Variants in AGMO observed in about 807,000 individuals in gnomAD.
AGMO encodes the protein glyceryl-ether monooxygenase.
In AGMO, 75 loss-of-function variants were observed where a neutral mutation model predicts 60.2. That is an observed-to-expected ratio of 1.25 (90% CI 1.03 to 1.51). The LOEUF is 1.51. AGMO is among the 40% of genes most tolerant of loss of function. The pLI, the probability that AGMO is intolerant of heterozygous loss-of-function variation, is 0.00. For missense variants in AGMO, 763 were observed against 525.5 expected (o/e 1.45, Z -4.42); for synonymous variants, 261 against 177.1 (o/e 1.47, Z -3.76).
intron 10 of AGMO, among the ~76,000 whole-genome samples, chr7:15,374,439 A>T (rs1226605578): frequency 6.6e-6 from 1 of 152,112 alleles, no homozygotes; most frequent in Non-Finnish European, 1.5e-5. Flanking sequence ...TTCTACAAAA[A>T]ATTGTAAGAA....
chr7:15,495,599 T>C, intron 3 of AGMO, among the ~76,000 whole-genome samples: 1 of 152,200 alleles, frequency 6.6e-6, no homozygotes, highest in Non-Finnish European at 1.5e-5. Context: ...TTTCAGCACA[T>C]TTACTGTCTT....
chr7:15,420,241 CT>C (rs1780890432), intron 4 of AGMO, among the ~76,000 whole-genome samples: 1 of 152,020 alleles, frequency 6.6e-6, no homozygotes, highest in South Asian at 2.1e-4. Context: ...AATTAAACAA[CT>C]GAAGTTTCTT....
chr7:15,346,701 T>C (rs994869660), intron 12 of AGMO, among the ~76,000 whole-genome samples: 1 of 151,830 alleles, frequency 6.6e-6, no homozygotes, highest in Non-Finnish European at 1.5e-5. Context: ...TTAAGTGTTA[T>C]TCAAGAGCTA....
intron 12 of AGMO, among the ~76,000 whole-genome samples, chr7:15,235,734 A>T (rs1329168543): frequency 6.6e-6 from 1 of 152,150 alleles, no homozygotes; most frequent in African/African-American, 2.4e-5. Context: ...ATGCCCAGAA[A>T]CCACACTGGT....
intron 3 of AGMO, among the ~76,000 whole-genome samples, chr7:15,494,240 A>G (rs1281912368): frequency 6.6e-6 from 1 of 152,182 alleles, no homozygotes; most frequent in Non-Finnish European, 1.5e-5. Context: ...ATTTGAAAAT[A>G]GAGGCTCATC....
intron 12 of AGMO, among the ~76,000 whole-genome samples, chr7:15,271,275 C>T (rs548566073): frequency 2.0e-4 from 31 of 152,170 alleles, no homozygotes; most frequent in East Asian, 1.7e-3. Context: ...GTCATTTTAA[C>T]GATATTGATT....
chr7:15,498,232 C>G (rs10499467), intron 3 of AGMO, among the ~76,000 whole-genome samples: 94,867 of 151,812 alleles, frequency 0.62, 30,246 homozygotes, highest in East Asian at 0.97. Flanking sequence ...ACACAAATAA[C>G]TTGTTACAAT....
At chr7:15,431,965 A>T (rs1009015422) in intron 3 of AGMO, among the ~76,000 whole-genome samples, 3 of 151,824 alleles carry the variant, frequency 2.0e-5, no homozygotes, top group Non-Finnish European at 4.4e-5. Context: ...CCCATATTTT[A>T]AAAATTGTAT....
intron 12 of AGMO, among the ~76,000 whole-genome samples, chr7:15,274,052 A>AT (rs1405475178): frequency 6.6e-6 from 1 of 152,160 alleles, no homozygotes; most frequent in Non-Finnish European, 1.5e-5. Flanking sequence ...TGAATATACA[A>AT]TCATGTCATC....
At chr7:15,560,407 A>G in intron 1 of AGMO, 136 bp from the exon 2 acceptor site, 1 of 824,096 alleles carries the variant, frequency 1.2e-6, no homozygotes, top group Non-Finnish European at 1.8e-6. Context: ...CTCATTTTAG[A>G]GGATTACTTC....
chr7:15,291,759 CA>C (rs769672583), intron 12 of AGMO, among the ~76,000 whole-genome samples: 12 of 152,118 alleles, frequency 7.9e-5, no homozygotes, highest in Admixed American at 6.5e-5. Flanking sequence ...GTAGAAACAT[CA>C]GGGGACAAAT....
At chr7:15,149,527 A>G in the AGMO span, among the ~76,000 whole-genome samples, 12 of 152,050 alleles carry the variant, frequency 7.9e-5, no homozygotes, top group Non-Finnish European at 7.4e-5. Context: ...TTTAATCTGC[A>G]TATGTTTAGC....
chr7:15,242,258 C>CTA (rs1782612707), intron 12 of AGMO, among the ~76,000 whole-genome samples: 1 of 152,090 alleles, frequency 6.6e-6, no homozygotes, highest in Non-Finnish European at 1.5e-5. Context: ...ATTCTGCTTA[C>CTA]TACACATGAT....
chr7:15,405,058 T>C (rs956063794), intron 5 of AGMO, among the ~76,000 whole-genome samples: 3 of 151,874 alleles, frequency 2.0e-5, no homozygotes, highest in Non-Finnish European at 2.9e-5. Flanking sequence ...GCCCTGTCAT[T>C]TCCATTTTCA....
chr7:15,117,292 G>A, the AGMO span, among the ~76,000 whole-genome samples: 2 of 151,932 alleles, frequency 1.3e-5, no homozygotes, highest in African/African-American at 4.8e-5. Context: ...GGTAATAACT[G>A]CAAAGGAACA....
chr7:15,509,170 A>C (rs2128529285), intron 3 of AGMO, among the ~76,000 whole-genome samples: 1 of 152,302 alleles, frequency 6.6e-6, no homozygotes, highest in South Asian at 2.1e-4. Context: ...GCAAATAATT[A>C]GATACTACAT....
At chr7:15,273,431 T>C (rs1405532110) in intron 12 of AGMO, among the ~76,000 whole-genome samples, 4 of 152,166 alleles carry the variant, frequency 2.6e-5, no homozygotes, top group African/African-American at 9.7e-5. Flanking sequence ...AAAGATCAGA[T>C]GGTTGTGTGA....
In AGMO at chr7:15,544,815, T is replaced by A; in HGVS notation, c.366A>T (p.Leu122Phe). Reference protein sequence around the residue: ...DSPWTWYSAFLGVDFGYYWFH... With the variant: ...DSPWTWYSAFFGVDFGYYWFH... ...ACCAGTAGTAGCCAAAGTCAACTCC[T>A]AAGAAGGCTGAATACCAAGTCCATG... The change falls in exon 3 of 13, where the codon TTA becomes TTT. Residue 122 changes from leucine (L) to phenylalanine (F), a missense_variant. Coordinates refer to ENST00000342526, the MANE Select transcript of AGMO (RefSeq NM_001004320.2). The A allele has an allele frequency of 6.2e-7, 1 of 1,609,806 alleles. No individual in the cohort carries two copies. Among genetic ancestry groups the A allele is most frequent in the Non-Finnish European group, 8.5e-7 (1 of 1,177,902 alleles).
At chr7:15,332,077 G>T (rs970974841) in intron 12 of AGMO, among the ~76,000 whole-genome samples, 5 of 152,094 alleles carry the variant, frequency 3.3e-5, no homozygotes, top group Non-Finnish European at 7.4e-5. Flanking sequence ...GATGGAAGGA[G>T]CCTAGGTACC....
Sources: allele counts gnomAD v4.1 joint callset (sites outside exome capture counted in the v4.1 genomes callset), GRCh38; gene constraint gnomAD v4.1.1; transcripts MANE v1.5; gene names NCBI Gene and HGNC (gene_info 2026-07-23, HGNC 2026-07-21).